Variants in ADARB2 observed in about 807,000 individuals in gnomAD.
The protein encoded by ADARB2 is inactive double-stranded RNA-specific editase B2.
A neutral mutation model predicts 62.2 loss-of-function variants in ADARB2; 25 were observed. The ratio of observed to expected loss-of-function variants is 0.40; its 90% CI spans 0.29 to 0.56. The LOEUF is 0.56. ADARB2 is among the 20% of genes least tolerant of loss of function. ADARB2 has a pLI of 0.43. For synonymous variants in ADARB2, 572 were observed against 500.8 expected (o/e 1.14, Z -1.90); for missense variants, 1,071 against 1,077.4 (o/e 0.99, Z 0.08).
At chr10:1,431,239 C>A (rs1425288487) in intron 1 of ADARB2, among the ~76,000 whole-genome samples, 1 of 152,150 alleles carries the variant, frequency 6.6e-6, no homozygotes, top group African/African-American at 2.4e-5. Context: ...ATAGTGTGTT[C>A]CTTGACCATA....
chr10:1,566,077 A>C (rs1158946832), intron 1 of ADARB2, among the ~76,000 whole-genome samples: 3 of 69,072 alleles, frequency 4.3e-5, no homozygotes, highest in Non-Finnish European at 6.7e-5. Context: ...AAAAAAAAAA[A>C]AAAAAAAAAA....
chr10:1,512,213 A>G (rs1831946192), intron 1 of ADARB2, among the ~76,000 whole-genome samples: 1 of 152,006 alleles, frequency 6.6e-6, no homozygotes, highest in Non-Finnish European at 1.5e-5. Flanking sequence ...GATGGTGTCT[A>G]CACTGCATAC....
At chr10:1,222,721 G>A (rs1264468172) in intron 6 of ADARB2, among the ~76,000 whole-genome samples, 1 of 149,478 alleles carries the variant, frequency 6.7e-6, no homozygotes, top group Admixed American at 6.6e-5. Context: ...AGATCAGATG[G>A]TTGTAGATAT....
chr10:1,574,653 T>C (rs1832986250), intron 1 of ADARB2, among the ~76,000 whole-genome samples: 1 of 152,210 alleles, frequency 6.6e-6, no homozygotes, highest in Non-Finnish European at 1.5e-5. Context: ...TGTGCATGTC[T>C]GTGTCCTAAC....
chr10:1,417,157 G>T (rs1016288010), intron 1 of ADARB2, among the ~76,000 whole-genome samples: 1 of 151,508 alleles, frequency 6.6e-6, no homozygotes, highest in Admixed American at 6.7e-5. Context: ...AGATGGCCAG[G>T]AAGTGTTGAC....
chr10:1,674,391 C>T (rs1019225387), intron 1 of ADARB2, among the ~76,000 whole-genome samples: 4 of 152,040 alleles, frequency 2.6e-5, no homozygotes, highest in South Asian at 2.1e-4. Flanking sequence ...CTTCCTTGGT[C>T]GGCATTTTGG....
At chr10:1,474,302 C>G (rs2820641) in intron 1 of ADARB2, among the ~76,000 whole-genome samples, 148,181 of 152,236 alleles carry the variant, frequency 0.97, 72,225 homozygotes, top group East Asian at 1. Context: ...TCTGGGACGG[C>G]ATGGCCCTGG....
At chr10:1,294,899 C>T (rs776946997) in intron 3 of ADARB2, among the ~76,000 whole-genome samples, 2 of 152,304 alleles carry the variant, frequency 1.3e-5, no homozygotes, top group Non-Finnish European at 2.9e-5. Flanking sequence ...GCCAAGGCCC[C>T]GACCTAGACC....
intron 1 of ADARB2, among the ~76,000 whole-genome samples, chr10:1,644,331 CT>C (rs1476206507): frequency 6.6e-6 from 1 of 152,274 alleles, no homozygotes; most frequent in African/African-American, 2.4e-5. Context: ...CAAGCTCCCC[CT>C]GTCCCCGGGC....
intron 4 of ADARB2, among the ~76,000 whole-genome samples, chr10:1,267,979 A>G (rs1173654729): frequency 6.6e-6 from 1 of 152,242 alleles, no homozygotes; most frequent in Non-Finnish European, 1.5e-5. Flanking sequence ...TGTAACACGT[A>G]TAATTGAGAG....
At chr10:1,581,018 G>A (rs766219428) in intron 1 of ADARB2, among the ~76,000 whole-genome samples, 2 of 152,220 alleles carry the variant, frequency 1.3e-5, no homozygotes, top group African/African-American at 4.8e-5. Context: ...GAATAAAGCC[G>A]CTATAAGCAT....
At chr10:1,409,473 C>A (rs1435841108) in intron 1 of ADARB2, among the ~76,000 whole-genome samples, 2 of 151,858 alleles carry the variant, frequency 1.3e-5, no homozygotes, top group Non-Finnish European at 2.9e-5. Context: ...GTGCTAAGGC[C>A]TGGCCGTGGT....
chr10:1,630,904 G>A (rs1339234969), intron 1 of ADARB2, among the ~76,000 whole-genome samples: 4 of 151,910 alleles, frequency 2.6e-5, no homozygotes, highest in African/African-American at 7.3e-5. Context: ...GCAGTGAGCC[G>A]AGATCATGCC....
intron 1 of ADARB2, among the ~76,000 whole-genome samples, chr10:1,613,408 A>G (rs1329038341): frequency 6.6e-6 from 1 of 152,208 alleles, no homozygotes; most frequent in East Asian, 1.9e-4. Context: ...CATTTCAAGG[A>G]CAACATCCAT....
rs138950753 is a variant in ADARB2, at chr10:1,380,439, A to G, written c.101-1279T>C. On this transcript the variant is annotated intron_variant, in intron 1 of 9. Coordinates refer to ENST00000381312, the MANE Select transcript of ADARB2 (RefSeq NM_018702.4). ...CCCTGTAACAAGGACGGCTGTCCACAGGTGCCCCACCGTGGCACTGTATAC... is the reference window on the plus strand; with the variant it reads ...CCCTGTAACAAGGACGGCTGTCCACGGGTGCCCCACCGTGGCACTGTATAC... Among the ~76,000 whole-genome samples, 47 of 152,374 alleles carry G rather than the reference A, an allele frequency of 3.1e-4. 1 individual carries two copies. In the East Asian group the frequency reaches 7.3e-3, roughly 24 times the overall value.
At chr10:1,534,121 T>C (rs1365070460) in intron 1 of ADARB2, among the ~76,000 whole-genome samples, 1 of 151,314 alleles carries the variant, frequency 6.6e-6, no homozygotes, top group Non-Finnish European at 1.5e-5. Flanking sequence ...GAAGGCGATT[T>C]TCCTGCATTG....
At chr10:1,258,929 C>T (rs907290305) in intron 4 of ADARB2, among the ~76,000 whole-genome samples, 3 of 152,164 alleles carry the variant, frequency 2.0e-5, no homozygotes, top group African/African-American at 7.2e-5. Context: ...TGTAAAAGAA[C>T]AGAAATTATA....
chr10:1,381,261 G>A (rs1188298306), intron 1 of ADARB2, among the ~76,000 whole-genome samples: 1 of 152,176 alleles, frequency 6.6e-6, no homozygotes, highest in Non-Finnish European at 1.5e-5. Flanking sequence ...GACTTCAATA[G>A]ACATTTCTCC....
At chr10:1,578,363 C>T (rs1473088546) in intron 1 of ADARB2, among the ~76,000 whole-genome samples, 1 of 152,140 alleles carries the variant, frequency 6.6e-6, no homozygotes, top group African/African-American at 2.4e-5. Context: ...TTAATTGTGA[C>T]ATTTTTAAAT....
Sources: gnomAD v4.1 joint callset for allele counts (sites outside exome capture counted in the v4.1 genomes callset) on GRCh38, gnomAD v4.1.1 for gene constraint, MANE v1.5 for transcripts, NCBI Gene and HGNC (gene_info 2026-07-23, HGNC 2026-07-21) for gene names.